TMEM217: variants seen among roughly 807,000 people sequenced by gnomAD.
TMEM217 encodes the protein chromosome 6 open reading frame 128.
For synonymous variants in TMEM217, 76 were observed against 88.3 expected, an observed-to-expected ratio of 0.86 and a Z score of 0.78; for missense variants, 204 against 248.8, an observed-to-expected ratio of 0.82 and a Z score of 1.21.
At chr6:37,218,888 T>C in exon 2 of TMEM217, 1 of 1,614,170 alleles carries the variant, frequency 6.2e-7, no homozygotes, top group African/African-American at 1.3e-5. Context: ...ACCCCTGTAC[T>C]TTGGTGTGAT....
At chr6:37,255,591 G>A (rs979434946) in intron 1 of TMEM217, among the ~76,000 whole-genome samples, 3 of 152,090 alleles carry the variant, frequency 2.0e-5, no homozygotes, top group African/African-American at 4.8e-5. Context: ...GGCTGATGTG[G>A]GAGGATTGCT....
chr6:37,250,352 C>T (rs576831817), intron 1 of TMEM217, among the ~76,000 whole-genome samples: 14 of 152,204 alleles, frequency 9.2e-5, no homozygotes, highest in African/African-American at 1.4e-4. Flanking sequence ...AGTGGGTACA[C>T]GAATGCAAAT....
intron 1 of TMEM217, among the ~76,000 whole-genome samples, chr6:37,235,989 A>T (rs915704455): frequency 6.6e-6 from 1 of 152,218 alleles, no homozygotes; most frequent in African/African-American, 2.4e-5. Flanking sequence ...CTTTATGTAG[A>T]GTTTAAAATA....
rs543989470 is a variant in TMEM217, at chr6:37,239,392, T to C, written c.-12+18176A>G. On this transcript the variant is annotated intron_variant, in intron 1 of 1. Coordinates refer to ENST00000357219, the Ensembl canonical transcript of TMEM217. Reference sequence around the variant, plus strand: ...AGTCCCAGCTACTTGGGAGGACTGCTTGAGCCCAGGAGGCCGAGGCTGCAG... The same window carrying C: ...AGTCCCAGCTACTTGGGAGGACTGCCTGAGCCCAGGAGGCCGAGGCTGCAG... 5.9e-5 allele frequency among the ~76,000 whole-genome samples: 9 copies of C among 152,016 alleles called. No individual in the cohort carries two copies. The South Asian group carries it at 1.7e-3, about 28-fold the overall frequency.
chr6:37,231,926 A>G (rs1764226678), intron 1 of TMEM217, among the ~76,000 whole-genome samples: 1 of 151,764 alleles, frequency 6.6e-6, no homozygotes, highest in African/African-American at 2.4e-5. Flanking sequence ...AAATTACAGA[A>G]TCTCAGTCCC....
At chr6:37,235,195 T>C (rs1279381437) in intron 1 of TMEM217, among the ~76,000 whole-genome samples, 3 of 152,154 alleles carry the variant, frequency 2.0e-5, no homozygotes, top group Non-Finnish European at 4.4e-5. Flanking sequence ...TTTCTGGAAA[T>C]GATATATTAC....
intron 1 of TMEM217, among the ~76,000 whole-genome samples, chr6:37,222,359 A>C (rs1262718821): frequency 6.6e-6 from 1 of 152,150 alleles, no homozygotes; most frequent in Non-Finnish European, 1.5e-5. Context: ...CCGAGATTTG[A>C]ACTGGTGCCG....
chr6:37,256,174 G>A (rs1367242389), intron 1 of TMEM217, among the ~76,000 whole-genome samples: 1 of 152,204 alleles, frequency 6.6e-6, no homozygotes, highest in African/African-American at 2.4e-5. Context: ...ACATGGATGA[G>A]TGTATGGCAG....
intron 1 of TMEM217, among the ~76,000 whole-genome samples, chr6:37,243,361 G>GA (rs998544914): frequency 1.3e-5 from 2 of 152,000 alleles, no homozygotes; most frequent in African/African-American, 4.8e-5. Flanking sequence ...TTGAAAGGGG[G>GA]AAAAAAATGG....
Position 37,224,651 on chromosome 6 carries a change from T to A in TMEM217, c.-11-5610A>T, listed in dbSNP as rs574610731. 3.3e-5 allele frequency among the ~76,000 whole-genome samples: 5 copies of A among 151,786 alleles called. No individual in the cohort carries two copies. In the East Asian group the frequency reaches 9.8e-4, roughly 30 times the overall value. On this transcript the variant is annotated intron_variant, in intron 1 of 1. Coordinates refer to ENST00000357219, the Ensembl canonical transcript of TMEM217. ...CTTTTATTTTTGGAGAGACAGCATC[T>A]CGCCATGTTACCCAGGCTGGTCTCA...
chr6:37,254,174 G>A (rs1765595173), intron 1 of TMEM217, among the ~76,000 whole-genome samples: 1 of 152,148 alleles, frequency 6.6e-6, no homozygotes, highest in Non-Finnish European at 1.5e-5. Context: ...TGAGTTGTAG[G>A]CTCCACCTCA....
downstream of TMEM217, chr6:37,213,065 C>T: frequency 9.6e-7 from 1 of 1,040,218 alleles, no homozygotes; most frequent in South Asian, 1.6e-5. Flanking sequence ...TCCCCCAAGT[C>T]ACTAGATATA....
In TMEM217 at chr6:37,236,504, C is replaced by T. The variant is rs148074345; in HGVS notation, c.-11-17463G>A. On this transcript the variant is annotated intron_variant, in intron 1 of 1. Coordinates refer to ENST00000357219, the Ensembl canonical transcript of TMEM217. ...AGTAACCAAGGATATCCTGAAAATGCAAGGGAATAATAGGCCATTATAGGG... is the reference window on the plus strand; with the variant it reads ...AGTAACCAAGGATATCCTGAAAATGTAAGGGAATAATAGGCCATTATAGGG... Among the ~76,000 whole-genome samples, 124 of 152,014 alleles carry T rather than the reference C, an allele frequency of 8.2e-4. 4 individuals carry two copies. In the East Asian group the frequency reaches 0.024, roughly 29 times the overall value.
chr6:37,247,429 C>T (rs1278235386), intron 1 of TMEM217, among the ~76,000 whole-genome samples: 1 of 150,420 alleles, frequency 6.6e-6, no homozygotes, highest in East Asian at 1.9e-4. Flanking sequence ...CGCTCTGTTG[C>T]CAGGCTGGAG....
intron 1 of TMEM217, among the ~76,000 whole-genome samples, chr6:37,243,632 CTT>C (rs1272023746): frequency 6.6e-6 from 1 of 152,164 alleles, no homozygotes; most frequent in African/African-American, 2.4e-5. Context: ...GAGTTTCTCT[CTT>C]GTTGCCCAGG....
At chr6:37,231,258 C>T (rs1375750819) in intron 1 of TMEM217, among the ~76,000 whole-genome samples, 8 of 115,338 alleles carry the variant, frequency 6.9e-5, no homozygotes, top group African/African-American at 2.3e-4. Flanking sequence ...TTTGTAGAAA[C>T]GGGCTTTCAC....
In TMEM217 at chr6:37,249,815, T is replaced by C. The variant is rs111913357; in HGVS notation, c.-12+7753A>G. ...CCATGTGGTTGGAAGTGTAAAGTAG[T>C]ATGACCACTTTGAAAAACAGTTGGG... On this transcript the variant is annotated intron_variant, in intron 1 of 1. Coordinates refer to ENST00000357219, the Ensembl canonical transcript of TMEM217. Among the ~76,000 whole-genome samples the C allele has an allele frequency of 3.4e-3, 522 of 152,334 alleles. 3 individuals carry two copies. The highest frequency in any genetic ancestry group is 0.012 in the African/African-American group (485 of 41,584).
At chr6:37,243,743 C>T (rs1346433010) in intron 1 of TMEM217, among the ~76,000 whole-genome samples, 1 of 152,152 alleles carries the variant, frequency 6.6e-6, no homozygotes, top group African/African-American at 2.4e-5. Flanking sequence ...GGATTACAGG[C>T]ATGCACCACC....
downstream of TMEM217, chr6:37,212,662 A>G (rs1222080098): frequency 3.5e-6 from 2 of 572,484 alleles, no homozygotes; most frequent in Non-Finnish European, 6.6e-6. Context: ...GAGCAGGACT[A>G]TGGAGAAGTT....
Sources: allele counts gnomAD v4.1 joint callset (sites outside exome capture counted in the v4.1 genomes callset), GRCh38; gene constraint gnomAD v4.1.1; transcripts MANE v1.5; gene names NCBI Gene and HGNC (gene_info 2026-07-23, HGNC 2026-07-21).